POR: variants seen among roughly 807,000 people sequenced by gnomAD.
POR encodes the protein NADPH--cytochrome P450 reductase.
In POR, 56 loss-of-function variants were observed where a neutral mutation model predicts 84.0. That is an observed-to-expected ratio of 0.67 (90% CI 0.54 to 0.83). The LOEUF (loss-of-function observed/expected upper bound fraction) is 0.83. Ranked by LOEUF, POR falls within the 40% of genes least tolerant of loss-of-function variation. The pLI, the probability that POR is intolerant of heterozygous loss-of-function variation, is 0.00. For missense variants in POR, 938 were observed against 944.3 expected, an observed-to-expected ratio of 0.99 and a Z score of 0.09; for synonymous variants, 414 against 400.5, an observed-to-expected ratio of 1.03 and a Z score of -0.40.
At chr7:75,923,965 G>A (rs1327542910) in intron 1 of POR, among the ~76,000 whole-genome samples, 7 of 152,228 alleles carry the variant, frequency 4.6e-5, no homozygotes, top group African/African-American at 1.7e-4. Flanking sequence ...CAGTTCCAAG[G>A]AAAAATTCCA....
At position 75,983,790 on chromosome 7, in the gene POR, G is replaced by A. The variant is rs562241770; in HGVS notation, c.1000G>A (p.Val334Ile). The change falls in exon 10 of 16, where the codon GTC (valine) becomes ATC (isoleucine). Residue 334 changes from valine to isoleucine, a missense_variant. Physicochemically the swap from Val to Ile is conservative, Grantham distance 29 (BLOSUM62 3). Coordinates refer to ENST00000461988, the MANE Select transcript of POR (RefSeq NM_000941.3). ...GTACCCAGCCAACGACTCTGCTCTC[G>A]TCAACCAGCTGGGCAAAATCCTGGG... 659 of 1,612,360 alleles carry A rather than the reference G, an allele frequency of 4.1e-4. 9 individuals are homozygous for A. In the South Asian group the frequency reaches 6.4e-3, roughly 16 times the overall value.
rs369072597 is a variant in POR, at chr7:75,984,919, G to T, written c.1209G>T (p.Glu403Asp). 4.4e-6 allele frequency: 7 copies of T among 1,606,040 alleles called. No homozygotes were observed. Among genetic ancestry groups the T allele is most frequent in the Non-Finnish European group, 6.0e-6 (7 of 1,174,860 alleles). The change falls in exon 11 of 16, where the codon GAG becomes GAT. Residue 403 changes from glutamate (E) to aspartate (D), a missense_variant. By Grantham distance (45) the Glu-to-Asp change is conservative (BLOSUM62 2). Transcript: ENST00000461988. ...ACGCCTCGGAGCCCTCGGAGCAGGA[G>T]CTGCTGCGCAAGATGGCCTCCTCCT...
intron 11 of POR, 29 bp downstream of exon 11, chr7:75,984,987 G>A (rs72557933): frequency 6.4e-5 from 100 of 1,574,456 alleles, no homozygotes; most frequent in Admixed American, 1.5e-4. Context: ...CGCAACCTCC[G>A]CCCCGTCACC....
At chr7:75,926,918 G>T (rs1326235066) in intron 1 of POR, among the ~76,000 whole-genome samples, 1 of 152,118 alleles carries the variant, frequency 6.6e-6, no homozygotes, top group African/African-American at 2.4e-5. Flanking sequence ...CTTCTGCAGG[G>T]ATTATTTCAT....
chr7:75,968,794 G>A (rs1788304225), intron 2 of POR, among the ~76,000 whole-genome samples: 2 of 152,208 alleles, frequency 1.3e-5, no homozygotes, highest in African/African-American at 4.8e-5. Context: ...CCACTCTGAC[G>A]TTCCAGCCCA....
Position 75,980,441 on chromosome 7 carries a change from G to A in POR, c.469G>A (p.Asp157Asn), listed in dbSNP as rs782422122. The A allele has an allele frequency of 1.2e-5, 19 of 1,613,250 alleles. No individual in the cohort carries two copies. In the East Asian group the frequency reaches 1.6e-4, roughly 13 times the overall value. The change falls in exon 5 of 16, where the codon GAC becomes AAC. Residue 157 changes from aspartate to asparagine, a missense_variant. Transcript: ENST00000461988. ...CACCGACAATGCCCAGGACTTCTAC[G>A]ACTGGCTGCAGGAGACAGACGTGGA...
At chr7:75,972,743 C>T in intron 3 of POR, 1 of 512,706 alleles carries the variant, frequency 2.0e-6, no homozygotes, top group African/African-American at 1.9e-5. Context: ...CCCGTCTGGC[C>T]CTGGCCTGTC....
At chr7:75,936,086 CTTTTTTT>C (rs869164954) in intron 1 of POR, among the ~76,000 whole-genome samples, 38 of 99,776 alleles carry the variant, frequency 3.8e-4, no homozygotes, top group African/African-American at 8.0e-4. Flanking sequence ...TTCTTTCTTT[CTTTTTTT>C]TTTTTTTTTT....
intron 2 of POR, among the ~76,000 whole-genome samples, chr7:75,965,413 T>G (rs557062808): frequency 2.0e-4 from 30 of 152,288 alleles, no homozygotes; most frequent in Admixed American, 1.4e-3. Flanking sequence ...AGGCTGACGT[T>G]AGCACATGAG....
At chr7:75,919,712 G>A (rs1312814910) in intron 1 of POR, among the ~76,000 whole-genome samples, 2 of 152,042 alleles carry the variant, frequency 1.3e-5, no homozygotes, top group South Asian at 4.1e-4. Context: ...TACTCCTGAC[G>A]CTGGTCGGTG....
At chr7:75,929,532 G>A (rs911158126) in intron 1 of POR, among the ~76,000 whole-genome samples, 1 of 152,154 alleles carries the variant, frequency 6.6e-6, no homozygotes, top group Non-Finnish European at 1.5e-5. Flanking sequence ...GGGATAACAG[G>A]TGTGAGCCAC....
intron 2 of POR, among the ~76,000 whole-genome samples, chr7:75,960,292 AAATAATAATAAT>A (rs142864869): frequency 3.0e-4 from 44 of 149,050 alleles, no homozygotes; most frequent in African/African-American, 8.7e-4. Context: ...CCCCCTCTCA[AAATAATAATAAT>A]AATAATAATA....
At chr7:75,952,150 C>A (rs1346899506) in intron 1 of POR, among the ~76,000 whole-genome samples, 1 of 108,734 alleles carries the variant, frequency 9.2e-6, no homozygotes, top group Admixed American at 8.3e-5. Flanking sequence ...CTGACCCCCC[C>A]ACCTCCCTCC....
chr7:75,962,380 A>G (rs1049687798), intron 2 of POR, among the ~76,000 whole-genome samples: 1 of 151,808 alleles, frequency 6.6e-6, no homozygotes, highest in African/African-American at 2.4e-5. Context: ...TACAGCCTCT[A>G]CCTCCCAGGC....
chr7:75,954,407 G>T (rs1284402230), intron 2 of POR, among the ~76,000 whole-genome samples: 1 of 152,154 alleles, frequency 6.6e-6, no homozygotes, highest in Non-Finnish European at 1.5e-5. Flanking sequence ...GACCTTCACA[G>T]GAAGCACTGC....
At chr7:75,953,074 C>T (rs1163505252) in intron 1 of POR, among the ~76,000 whole-genome samples, 3 of 152,270 alleles carry the variant, frequency 2.0e-5, no homozygotes, top group African/African-American at 2.4e-5. Context: ...CCCGGCACCT[C>T]GGGAGGCCGA....
chr7:75,980,756 C>T, intron 5 of POR: 2 of 1,448,522 alleles, frequency 1.4e-6, no homozygotes, highest in East Asian at 2.6e-5. Flanking sequence ...CTGAGACCTG[C>T]CTGGCCTCGG....
At chr7:75,982,660 T>G (rs6972428) in intron 8 of POR, among the ~76,000 whole-genome samples, 5,175 of 152,258 alleles carry the variant, frequency 0.034, 284 homozygotes, top group African/African-American at 0.11. Context: ...TAGATAGACT[T>G]GGGGGAGAAA....
At chr7:75,938,157 T>C (rs1225034985) in intron 1 of POR, among the ~76,000 whole-genome samples, 5 of 152,166 alleles carry the variant, frequency 3.3e-5, no homozygotes, top group African/African-American at 1.2e-4. Context: ...TTCACGTCAT[T>C]GCATCGGGCA....
Sources: gnomAD v4.1 joint callset for allele counts (sites outside exome capture counted in the v4.1 genomes callset) on GRCh38, gnomAD v4.1.1 for gene constraint, MANE v1.5 for transcripts, NCBI Gene and HGNC (gene_info 2026-07-23, HGNC 2026-07-21) for gene names.